The following MDGA2 variants were observed in gnomAD, a reference collection of about 807,000 sequenced individuals.
MDGA2 encodes the protein MAM domain-containing glycosylphosphatidylinositol anchor protein 2.
In MDGA2, 40 loss-of-function variants were observed where a neutral mutation model predicts 117.8. The ratio of observed to expected loss-of-function variants is 0.34; its 90% CI spans 0.26 to 0.44. The LOEUF is 0.44. Ranked by LOEUF, MDGA2 falls within the 20% of genes least tolerant of loss-of-function variation. The probability of loss-of-function intolerance (pLI) is 1.00; values close to 1 mark genes in which losing one functional copy is unlikely to be tolerated. For missense variants in MDGA2, 1,123 were observed against 1,250.6 expected (o/e 0.90, Z 1.54); for synonymous variants, 452 against 439.0 (o/e 1.03, Z -0.37).
rs182469991 is a variant in MDGA2 at position 47,275,073 on chromosome 14, A to G, written c.420+26338T>C. On this transcript the variant is annotated intron_variant, in intron 2 of 16. Coordinates refer to ENST00000399232, the MANE Select transcript of MDGA2 (RefSeq NM_001113498.3). ...CAAGCGTTTCTAATTTTGATTTAGTACAATTTATCTACTTTTGTTGTGATT... is the reference window on the plus strand; with the variant it reads ...CAAGCGTTTCTAATTTTGATTTAGTGCAATTTATCTACTTTTGTTGTGATT... 1.3e-3 allele frequency among the ~76,000 whole-genome samples: 196 copies of G among 152,298 alleles called. 1 individual carries two copies. The highest frequency in any genetic ancestry group is 4.5e-3 in the African/African-American group (187 of 41,566).
intron 8 of MDGA2, among the ~76,000 whole-genome samples, chr14:46,990,723 T>C (rs1887055375): frequency 6.6e-6 from 1 of 152,082 alleles, no homozygotes; most frequent in Non-Finnish European, 1.5e-5. Flanking sequence ...GATAATAAAA[T>C]ACAAATTTTT....
intron 15 of MDGA2, among the ~76,000 whole-genome samples, chr14:46,851,989 ATTGT>A (rs1016330977): frequency 6.6e-6 from 1 of 151,764 alleles, no homozygotes; most frequent in African/African-American, 2.4e-5. Flanking sequence ...GTGGCATGGG[ATTGT>A]TTAGTTGTGT....
rs1172717995 is a variant in MDGA2, at chr14:47,661,746, C to CTTTT, written c.280+12767_280+12770dup. Reference sequence around the variant, plus strand: ...GCAAAAAACGAAGTAATCAGAGTTTCTTTTTTTTTTTTTTTTTTTTTTGAG... The same window carrying CTTTT: ...GCAAAAAACGAAGTAATCAGAGTTTCTTTTTTTTTTTTTTTTTTTTTTTTTTGAG... On this transcript the variant is annotated intron_variant, in intron 1 of 16. Transcript: ENST00000399232. Among the ~76,000 whole-genome samples the CTTTT allele has an allele frequency of 9.6e-3, 930 of 97,154 alleles. 30 individuals are homozygous for CTTTT. The highest frequency in any genetic ancestry group is 0.015 in the African/African-American group (381 of 25,148). The allele number at this position is 97,154 out of a possible 152,430, so 63.7% of individuals were successfully genotyped here.
intron 1 of MDGA2, among the ~76,000 whole-genome samples, chr14:47,584,645 T>C (rs1896290594): frequency 6.6e-6 from 1 of 151,850 alleles, no homozygotes; most frequent in African/African-American, 2.4e-5. Context: ...CCCTATTGCA[T>C]AAATCAAAAT....
Position 47,218,242 on chromosome 14 carries a change from C to T in MDGA2, c.421-47G>A, listed in dbSNP as rs1182943669. ...TTGTTACTTTAGGTTGGTTTTCCCA[C>T]AGAGAAATCAAATAGCAATCACTCA... On this transcript the variant is annotated intron_variant, in intron 2 of 16. Coordinates refer to ENST00000399232, the MANE Select transcript of MDGA2 (RefSeq NM_001113498.3). 2.1e-6 allele frequency: 3 copies of T among 1,431,514 alleles called. No homozygotes were observed. The East Asian group carries it at 8.0e-5, about 38-fold the overall frequency. 88.7% of individuals were successfully genotyped at this position (1,431,514 alleles called of 1,614,324 possible). A position where few individuals can be genotyped will look rare whatever the true frequency, so the allele number is the denominator to read the frequency against.
At chr14:47,274,508 T>C (rs563708484) in intron 2 of MDGA2, among the ~76,000 whole-genome samples, 1 of 152,282 alleles carries the variant, frequency 6.6e-6, no homozygotes, top group South Asian at 2.1e-4. Context: ...GTTTCCACTT[T>C]TTGGTACTAT....
chr14:47,159,658 G>C (rs1387100046), intron 3 of MDGA2, among the ~76,000 whole-genome samples: 2 of 152,136 alleles, frequency 1.3e-5, no homozygotes, highest in African/African-American at 4.8e-5. Context: ...CTCTGATTGT[G>C]TGAAGTGATA....
chr14:47,557,634 G>A (rs1594916041), intron 1 of MDGA2, among the ~76,000 whole-genome samples: 1 of 152,136 alleles, frequency 6.6e-6, no homozygotes, highest in East Asian at 1.9e-4. Context: ...TTTCACAAAT[G>A]TTATATTGCA....
At chr14:47,192,461 A>C (rs1885150194) in intron 3 of MDGA2, among the ~76,000 whole-genome samples, 1 of 151,954 alleles carries the variant, frequency 6.6e-6, no homozygotes, top group African/African-American at 2.4e-5. Context: ...CAAAAAATAC[A>C]AAAATTAGCC....
chr14:47,612,508 C>T lies in MDGA2; in HGVS notation c.280+62009G>A, dbSNP rs181611027. Among the ~76,000 whole-genome samples the T allele has an allele frequency of 1.4e-4, 21 of 152,096 alleles. 1 individual carries two copies. The highest frequency in any genetic ancestry group is 2.1e-4 in the South Asian group (1 of 4,808). ...TTAAGCTGCTCAAAGTTCTGGATGT[C>T]GAAGGTTAGAACCTCCGTCATCTCA... On this transcript the variant is annotated intron_variant, in intron 1 of 16. Coordinates refer to ENST00000399232, the MANE Select transcript of MDGA2 (RefSeq NM_001113498.3).
At chr14:46,994,684 T>A (rs1284987365) in intron 8 of MDGA2, among the ~76,000 whole-genome samples, 1 of 152,178 alleles carries the variant, frequency 6.6e-6, no homozygotes, top group African/African-American at 2.4e-5. Context: ...TCTTGCACTA[T>A]AAATGGATTT....
chr14:47,221,702 A>AG (rs1886308608), intron 2 of MDGA2, among the ~76,000 whole-genome samples: 2 of 151,090 alleles, frequency 1.3e-5, no homozygotes, highest in Admixed American at 6.6e-5. Flanking sequence ...AAAAAAAAAA[A>AG]AGAGATTACG....
intron 1 of MDGA2, among the ~76,000 whole-genome samples, chr14:47,323,949 T>A (rs976851799): frequency 6.6e-6 from 1 of 151,996 alleles, no homozygotes; most frequent in African/African-American, 2.4e-5. Context: ...AATGGTGTAT[T>A]AAGATCTCTG....
intron 1 of MDGA2, among the ~76,000 whole-genome samples, chr14:47,539,240 G>C (rs1895288063): frequency 6.6e-6 from 1 of 152,164 alleles, no homozygotes; most frequent in African/African-American, 2.4e-5. Context: ...GCATGCACTG[G>C]GTGTGTGGCT....
chr14:46,921,653 C>A (rs184233176), intron 9 of MDGA2, among the ~76,000 whole-genome samples: 43 of 151,520 alleles, frequency 2.8e-4, no homozygotes, highest in Non-Finnish European at 4.7e-4. Context: ...AGAAAAGTCT[C>A]AAATGAGAGG....
chr14:47,522,925 G>C (rs1894899551), intron 1 of MDGA2, among the ~76,000 whole-genome samples: 1 of 152,058 alleles, frequency 6.6e-6, no homozygotes, highest in Admixed American at 6.5e-5. Flanking sequence ...ACGAATTGCT[G>C]AGCTAATCAA....
chr14:46,890,453 G>T (rs1019490842), intron 10 of MDGA2, among the ~76,000 whole-genome samples: 2 of 152,068 alleles, frequency 1.3e-5, no homozygotes, highest in African/African-American at 4.8e-5. Context: ...TTAGCTTTGA[G>T]TATCTTGAAA....
chr14:46,994,175 C>T (rs1887198484), intron 8 of MDGA2, among the ~76,000 whole-genome samples: 1 of 152,120 alleles, frequency 6.6e-6, no homozygotes, highest in East Asian at 1.9e-4. Flanking sequence ...CAAATCAGTG[C>T]TCGGAAGGTA....
chr14:47,173,289 A>G (rs1030934501), intron 3 of MDGA2, among the ~76,000 whole-genome samples: 2 of 152,176 alleles, frequency 1.3e-5, no homozygotes, highest in Admixed American at 6.5e-5. Context: ...GATTCAGGAA[A>G]TACAGAGAAC....
Sources: allele counts gnomAD v4.1 joint callset (sites outside exome capture counted in the v4.1 genomes callset), GRCh38; gene constraint gnomAD v4.1.1; transcripts MANE v1.5; gene names NCBI Gene and HGNC (gene_info 2026-07-23, HGNC 2026-07-21).